COA7: variants seen among roughly 807,000 people sequenced by gnomAD.
The protein encoded by COA7 is Sel1 repeat containing 1.
Under a neutral mutation model 21.0 loss-of-function variants are expected in COA7, and 12 were observed. That is an observed-to-expected ratio of 0.57 (90% CI 0.37 to 0.92). COA7 has a LOEUF of 0.92. Ranked by LOEUF, COA7 falls within the 40% of genes least tolerant of loss-of-function variation. The pLI, the probability that COA7 is intolerant of heterozygous loss-of-function variation, is 0.01. For missense variants in COA7, 240 were observed against 286.1 expected (o/e 0.84, Z 1.16); for synonymous variants, 95 against 107.4 (o/e 0.88, Z 0.72).
At chr1:52,695,308 A>AC (rs1644076764) in intron 1 of COA7, among the ~76,000 whole-genome samples, 1 of 148,458 alleles carries the variant, frequency 6.7e-6, no homozygotes, top group African/African-American at 2.5e-5. Context: ...AAAAAAAAAA[A>AC]AAAAAAAAAA....
At chr1:52,697,351 A>G (rs1178095466) in intron 1 of COA7, among the ~76,000 whole-genome samples, 1 of 152,226 alleles carries the variant, frequency 6.6e-6, no homozygotes, top group Non-Finnish European at 1.5e-5. Flanking sequence ...TCTTAAGTCA[A>G]TTCAATGTTC....
At chr1:52,694,391 C>T (rs1005784424) in intron 1 of COA7, among the ~76,000 whole-genome samples, 5 of 141,798 alleles carry the variant, frequency 3.5e-5, no homozygotes, top group Non-Finnish European at 6.0e-5. Context: ...ACTCGGGAGG[C>T]GGAGACTGCG....
intron 2 of COA7, among the ~76,000 whole-genome samples, chr1:52,690,027 A>G (rs1644033059): frequency 1.5e-5 from 1 of 64,596 alleles, no homozygotes; most frequent in Admixed American, 1.2e-4. Context: ...ACTCTGTCTC[A>G]AAAAAAAAAA....
intron 1 of COA7, among the ~76,000 whole-genome samples, chr1:52,697,682 C>A (rs1469278213): frequency 6.6e-6 from 1 of 152,230 alleles, no homozygotes; most frequent in Non-Finnish European, 1.5e-5. Flanking sequence ...ACACCACTCT[C>A]CTGCCTCAGC....
At position 52,689,160 on chromosome 1, in the gene COA7, A is replaced by AT. The variant is rs1195625684; in HGVS notation, c.248-993dup. ...ACATTATGAAATTATTATTATTATT[A>AT]TTTTTTTTTTTTTGAGATGGAGTCT... On this transcript the variant is annotated intron_variant, in intron 2 of 2. Coordinates refer to ENST00000371538, the MANE Select transcript of COA7 (RefSeq NM_023077.3). Among the ~76,000 whole-genome samples the AT allele has an allele frequency of 2.5e-3, 367 of 145,698 alleles. 1 individual carries two copies. The highest frequency in any genetic ancestry group is 2.8e-3 in the South Asian group (13 of 4,626).
At chr1:52,689,845 G>A (rs1644031535) in intron 2 of COA7, among the ~76,000 whole-genome samples, 1 of 151,918 alleles carries the variant, frequency 6.6e-6, no homozygotes, top group African/African-American at 2.4e-5. Flanking sequence ...CCAACATGGT[G>A]AAACCCCATC....
intron 2 of COA7, among the ~76,000 whole-genome samples, chr1:52,691,541 A>C (rs1644047027): frequency 6.8e-6 from 1 of 147,596 alleles, no homozygotes; most frequent in Non-Finnish European, 1.5e-5. Context: ...GCGCGATCTC[A>C]GCTCACTGCA....
In COA7 at chr1:52,685,627, A is replaced by G. The variant is rs140268090; in HGVS notation, c.*2093T>C. ...TGTTACCTGGCTGGAGTGCAATGGCATGGTCTTGGCTCACTGCAACCTCCA... is the reference window on the plus strand; with the variant it reads ...TGTTACCTGGCTGGAGTGCAATGGCGTGGTCTTGGCTCACTGCAACCTCCA... On this transcript the variant is annotated 3_prime_UTR_variant, in exon 3 of 3. Transcript: ENST00000371538. The G allele has an allele frequency of 0.025, 3,735 of 151,870 alleles. 117 individuals are homozygous for G. The highest frequency in any genetic ancestry group is 0.08 in the African/African-American group (3,312 of 41,360). 9.4% of individuals were successfully genotyped at this position (151,870 alleles called of 1,614,324 possible).
At chr1:52,694,737 TTAAA>T (rs749872544) in intron 1 of COA7, among the ~76,000 whole-genome samples, 23 of 119,974 alleles carry the variant, frequency 1.9e-4, no homozygotes, top group Non-Finnish European at 4.2e-4. Context: ...TGGAAAAAAT[TTAAA>T]AATAAAAAAT....
chr1:52,686,711 GT>G lies in COA7; in HGVS notation c.*1008del, dbSNP rs1644008761. ...GATCCACCCGCCTTGGCCACCCAAA[GT>G]GCTGGGGTTACAGGCGTGAGCCACC... is the stretch of plus-strand genomic sequence containing the variant. On this transcript the variant is annotated 3_prime_UTR_variant, in exon 3 of 3. Transcript: ENST00000371538. The G allele has an allele frequency of 6.6e-6, 1 of 152,314 alleles. No individual in the cohort carries two copies. Among genetic ancestry groups the G allele is most frequent in the East Asian group, 1.9e-4 (1 of 5,196 alleles). 9.4% of individuals were successfully genotyped at this position (152,314 alleles called of 1,614,324 possible).
chr1:52,693,563 G>A (rs1285085234), intron 1 of COA7, among the ~76,000 whole-genome samples: 3 of 148,108 alleles, frequency 2.0e-5, no homozygotes, highest in Non-Finnish European at 3.0e-5. Context: ...CCGAGATCAC[G>A]CCACTGCACT....
At position 52,689,358 on chromosome 1, in the gene COA7, G is replaced by A. The variant is rs1192615198; in HGVS notation, c.248-1190C>T. 2.6e-5 allele frequency among the ~76,000 whole-genome samples: 4 copies of A among 151,412 alleles called. No individual in the cohort carries two copies. In the East Asian group the frequency reaches 7.9e-4, roughly 30 times the overall value. On this transcript the variant is annotated intron_variant, in intron 2 of 2. Transcript: ENST00000371538. ...TTCAGTAGAGACGGGGTTTCACCACGTTGGTCAGGCTAGTCTTGAACTCCT... is the reference window on the plus strand; with the variant it reads ...TTCAGTAGAGACGGGGTTTCACCACATTGGTCAGGCTAGTCTTGAACTCCT...
intron 2 of COA7, among the ~76,000 whole-genome samples, chr1:52,691,327 T>C (rs138077003): frequency 0.014 from 2,081 of 151,784 alleles, 43 homozygotes; most frequent in African/African-American, 0.048. Context: ...GGCAGGAGGA[T>C]TGCCTGAGCC....
rs1044870757 is a variant in COA7, at chr1:52,698,293, G to C, written c.34C>G (p.Gln12Glu). 1.2e-6 allele frequency: 2 copies of C among 1,612,372 alleles called. No individual in the cohort carries two copies. ...AGMVDFQDEEQVKSFLENMEV... is the reference protein window; with the variant it reads ...AGMVDFQDEEEVKSFLENMEV... ...ATGTTCTCCAAAAAGGACTTGACCT[G>C]CTCCTCATCCTGGAAGTCCACCATG... The change falls in exon 1 of 3, where the codon CAG becomes GAG. Residue 12 changes from glutamine to glutamate, a missense_variant. Coordinates refer to ENST00000371538, the MANE Select transcript of COA7 (RefSeq NM_023077.3).
chr1:52,698,215 G>C lies in COA7; in HGVS notation c.106+6C>G, dbSNP rs558991705. 8 of 1,601,988 alleles carry C rather than the reference G, an allele frequency of 5.0e-6. No homozygotes were observed. The highest frequency in any genetic ancestry group is 4.0e-5 in the African/African-American group (3 of 74,714). On this transcript the variant is annotated splice_donor_region_variant and intron_variant, in intron 1 of 2. Coordinates refer to ENST00000371538, the MANE Select transcript of COA7 (RefSeq NM_023077.3). ...CGCGTCGCCGGGCTGCGCTGGAGCC[G>C]CTCACCGTCCGGGTCCTTCTCGTGG... is the stretch of plus-strand genomic sequence containing the variant.
intron 2 of COA7, among the ~76,000 whole-genome samples, chr1:52,691,381 T>C (rs911952964): frequency 2.0e-5 from 3 of 147,784 alleles, no homozygotes; most frequent in Non-Finnish European, 3.0e-5. Context: ...ATCACTGCAC[T>C]CCAGTCTGAG....
chr1:52,684,863 G>A lies in COA7; in HGVS notation c.*2857C>T, dbSNP rs1318956787. On this transcript the variant is annotated 3_prime_UTR_variant, in exon 3 of 3. Coordinates refer to ENST00000371538, the MANE Select transcript of COA7 (RefSeq NM_023077.3). ...AATACATCCCAGTGTCATATAGTTG[G>A]CATCATTTAATATGAAGCCTTTTCA... is the stretch of plus-strand genomic sequence containing the variant. 2 of 151,540 alleles carry A rather than the reference G, an allele frequency of 1.3e-5. No individual in the cohort carries two copies. Among genetic ancestry groups the A allele is most frequent in the South Asian group, 2.1e-4 (1 of 4,798 alleles). 9.4% of individuals were successfully genotyped at this position (151,540 alleles called of 1,614,324 possible).
rs542981031 is a variant in COA7, at chr1:52,684,801, C to A, written c.*2919G>T. On this transcript the variant is annotated 3_prime_UTR_variant, in exon 3 of 3. Transcript: ENST00000371538. ...ATTCCTCCCTCCCCTCCCCCACCCACTGCTTTTTACTGTCTCCATAGTTTT... is the reference window on the plus strand; with the variant it reads ...ATTCCTCCCTCCCCTCCCCCACCCAATGCTTTTTACTGTCTCCATAGTTTT... 2.0e-5 allele frequency: 3 copies of A among 151,888 alleles called. 1 individual carries two copies. In the South Asian group the frequency reaches 6.2e-4, roughly 32 times the overall value. 9.4% of individuals were successfully genotyped at this position (151,888 alleles called of 1,614,324 possible). A position where few individuals can be genotyped will look rare whatever the true frequency, so the allele number is the denominator to read the frequency against.
chr1:52,690,229 A>G (rs1415415196), intron 2 of COA7, among the ~76,000 whole-genome samples: 1 of 152,032 alleles, frequency 6.6e-6, no homozygotes, highest in African/African-American at 2.4e-5. Flanking sequence ...CACTTTTTTT[A>G]GTTGTTTGTG....
Sources: gnomAD v4.1 joint callset for allele counts (sites outside exome capture counted in the v4.1 genomes callset) on GRCh38, gnomAD v4.1.1 for gene constraint, MANE v1.5 for transcripts, NCBI Gene and HGNC (gene_info 2026-07-23, HGNC 2026-07-21) for gene names.